Variants in FNDC7 observed in about 807,000 individuals in gnomAD.
FNDC7 encodes the protein fibronectin type III domain containing 7, also known as fibronectin type III domain-containing protein 7.
In FNDC7, 66 loss-of-function variants were observed where a neutral mutation model predicts 74.2. The observed-to-expected ratio is 0.89, with a 90% CI of 0.73 to 1.09. FNDC7 has a LOEUF of 1.09. Ranked by LOEUF, FNDC7 falls within the 50% of genes least tolerant of loss-of-function variation. FNDC7 has a pLI of 0.00. For synonymous variants in FNDC7, 307 were observed against 330.2 expected, an observed-to-expected ratio of 0.93 and a Z score of 0.76; for missense variants, 829 against 893.4, an observed-to-expected ratio of 0.93 and a Z score of 0.92.
At chr1:108,715,398 T>C (rs1442891125) in intron 2 of FNDC7, among the ~76,000 whole-genome samples, 1 of 152,208 alleles carries the variant, frequency 6.6e-6, no homozygotes, top group African/African-American at 2.4e-5. Context: ...TGCTGCTATT[T>C]TATGGACTTT....
At chr1:108,722,712 T>C (rs974540749) in intron 5 of FNDC7, 120 bp downstream of exon 5, 28 of 1,104,978 alleles carry the variant, frequency 2.5e-5, no homozygotes, top group Non-Finnish European at 3.3e-5. Context: ...CTGGTCTAAA[T>C]GAAAGCATAG....
intron 8 of FNDC7, among the ~76,000 whole-genome samples, chr1:108,729,255 A>G (rs1482035582): frequency 6.6e-6 from 1 of 152,198 alleles, no homozygotes; most frequent in East Asian, 1.9e-4. Context: ...TTTTCTCTTT[A>G]AAAAATGCTT....
In FNDC7 at chr1:108,713,004, CA is replaced by C; in HGVS notation, c.63+9del. The C allele has an allele frequency of 6.5e-7, 1 of 1,550,324 alleles. No individual in the cohort carries two copies. Among genetic ancestry groups the C allele is most frequent in the Non-Finnish European group, 8.7e-7 (1 of 1,146,032 alleles). On this transcript the variant is annotated intron_variant, in intron 1 of 12. Transcript: ENST00000370017. ...CTTATCTGTCTTAAAATGGTGAGTT[CA>C]TCATTCCAACTACCCACAACTATTT...
chr1:108,719,170 T>A (rs1217351879), intron 4 of FNDC7, 121 bp downstream of exon 4: 4 of 1,099,822 alleles, frequency 3.6e-6, no homozygotes, highest in East Asian at 2.6e-5. Flanking sequence ...AACAGCTATT[T>A]AAATTTATTA....
intron 5 of FNDC7, 148 bp downstream of exon 5, chr1:108,722,740 A>G (rs1238288669): frequency 1.0e-6 from 1 of 970,152 alleles, no homozygotes; most frequent in Non-Finnish European, 1.4e-6. Context: ...CATTCTCATG[A>G]GTTTGAATAA....
chr1:108,719,739 A>C (rs564857008), intron 4 of FNDC7, among the ~76,000 whole-genome samples: 1 of 100,656 alleles, frequency 9.9e-6, no homozygotes, highest in African/African-American at 3.2e-5. Context: ...GAGTGAGCCA[A>C]GCGAATGAGA....
intron 5 of FNDC7, among the ~76,000 whole-genome samples, chr1:108,723,709 A>G (rs1487556487): frequency 1.3e-5 from 2 of 152,258 alleles, no homozygotes; most frequent in Non-Finnish European, 2.9e-5. Flanking sequence ...TTACGCAGTT[A>G]GGCATTTAAT....
At position 108,728,696 on chromosome 1, in the gene FNDC7, G is replaced by T; in HGVS notation, c.1434G>T (p.Trp478Cys). The T allele has an allele frequency of 1.9e-6, 3 of 1,614,192 alleles. No homozygotes were observed. The highest frequency in any genetic ancestry group is 2.5e-6 in the Non-Finnish European group (3 of 1,180,028). ...RDAFSMINVH[W>C]RSTNDDATYT... ...CATTCTCCATGATTAATGTGCACTG[G>T]CGATCCACTAATGATGATGCTACTT... The change falls in exon 8 of 13, where the codon TGG becomes TGT. Residue 478 changes from tryptophan to cysteine, a missense_variant. Transcript: ENST00000370017.
chr1:108,722,198 C>A, intron 4 of FNDC7, 137 bp from the exon 5 acceptor site: 3 of 866,438 alleles, frequency 3.5e-6, no homozygotes, highest in South Asian at 2.2e-5. Flanking sequence ...ATCCTAAATC[C>A]CAATTTTATG....
chr1:108,741,670 T>G, intron 11 of FNDC7, 103 bp from the exon 12 acceptor site: 1 of 1,227,068 alleles, frequency 8.1e-7, no homozygotes, highest in Non-Finnish European at 1.2e-6. Flanking sequence ...AAAATAGCAT[T>G]TCAAATCAAC....
Position 108,725,878 on chromosome 1 carries a change from C to T in FNDC7, c.985C>T (p.His329Tyr). Residue 329 changes from histidine to tyrosine, a missense_variant, in exon 6 of 13, where the codon CAC (histidine) becomes TAC (tyrosine). Coordinates refer to ENST00000370017, the MANE Select transcript of FNDC7 (RefSeq NM_001144937.3). Reference protein sequence around the residue: ...FVKSDDGLEVHCNTSLTQCNF... With the variant: ...FVKSDDGLEVYCNTSLTQCNF... ...GAAGAGTGATGATGGCTTGGAAGTACACTGCAACACATCTCTCACTCAGTG... is the reference window on the plus strand; with the variant it reads ...GAAGAGTGATGATGGCTTGGAAGTATACTGCAACACATCTCTCACTCAGTG... 6.2e-7 allele frequency: 1 copy of T among 1,614,082 alleles called. No individual in the cohort carries two copies. Among genetic ancestry groups the T allele is most frequent in the Non-Finnish European group, 8.5e-7 (1 of 1,180,014 alleles).
chr1:108,727,915 G>A lies in FNDC7; in HGVS notation c.1219G>A (p.Asp407Asn). ...GAELYETKAV[D>N]GYNMVECNDT... ...CGAACTGTATGAAACCAAGGCTGTA[G>A]ATGGGTACAACATGGTTGAGTGCAA... Residue 407 changes from aspartate to asparagine, a missense_variant, in exon 7 of 13, where the codon GAT (aspartate) becomes AAT (asparagine). Coordinates refer to ENST00000370017, the MANE Select transcript of FNDC7 (RefSeq NM_001144937.3). 1.2e-6 allele frequency: 2 copies of A among 1,614,186 alleles called. No homozygotes were observed. The highest frequency in any genetic ancestry group is 1.7e-6 in the Non-Finnish European group (2 of 1,180,048).
chr1:108,730,699 A>G lies in FNDC7; in HGVS notation c.1650A>G (p.Thr550=), dbSNP rs1308949919. 2 of 1,596,682 alleles carry G rather than the reference A, an allele frequency of 1.3e-6. No individual in the cohort carries two copies. Among genetic ancestry groups the G allele is most frequent in the East Asian group, 2.3e-5 (1 of 44,100 alleles). ...ETVPCCPTGL[T]VTQITQSVIN... Reference sequence around the variant, plus strand: ...TGCCATGCTGTCCAACCGGTCTGACAGTAACTCAAATCACCCAGTCAGTAA... The same window carrying G: ...TGCCATGCTGTCCAACCGGTCTGACGGTAACTCAAATCACCCAGTCAGTAA... Residue 550 remains threonine (T), a synonymous_variant, in exon 9 of 13, where the codon ACA becomes ACG. Coordinates refer to ENST00000370017, the MANE Select transcript of FNDC7 (RefSeq NM_001144937.3).
chr1:108,727,327 T>C (rs1174578898), intron 6 of FNDC7, among the ~76,000 whole-genome samples: 1 of 151,746 alleles, frequency 6.6e-6, no homozygotes, highest in Non-Finnish European at 1.5e-5. Flanking sequence ...CCTGTCTCTT[T>C]GAAAAAACAA....
chr1:108,717,648 C>T, intron 2 of FNDC7, 129 bp from the exon 3 acceptor site: 1 of 969,330 alleles, frequency 1.0e-6, no homozygotes, highest in Admixed American at 2.6e-5. Flanking sequence ...TTTCCTTGAT[C>T]TGAATAATAA....
intron 11 of FNDC7, among the ~76,000 whole-genome samples, chr1:108,737,929 G>A (rs1213935286): frequency 2.0e-5 from 3 of 152,194 alleles, no homozygotes; most frequent in Non-Finnish European, 4.4e-5. Context: ...TGAGAGCTGG[G>A]CATCAGGAGT....
intron 11 of FNDC7, 146 bp from the exon 12 acceptor site, chr1:108,741,627 T>C (rs1425592310): frequency 7.5e-6 from 6 of 803,604 alleles, no homozygotes; most frequent in Non-Finnish European, 8.3e-6. Flanking sequence ...TCAGTTGTCA[T>C]AGTTTCATGT....
chr1:108,718,361 C>T (rs980592780), intron 3 of FNDC7, among the ~76,000 whole-genome samples: 2 of 146,052 alleles, frequency 1.4e-5, no homozygotes, highest in South Asian at 2.1e-4. Flanking sequence ...GCACTCTGAC[C>T]GTATGGCATA....
chr1:108,717,477 C>T (rs534706737), intron 2 of FNDC7, among the ~76,000 whole-genome samples: 1 of 152,078 alleles, frequency 6.6e-6, no homozygotes, highest in Non-Finnish European at 1.5e-5. Flanking sequence ...AGTTCTTTCC[C>T]GTAATTACTT....
Sources: allele counts gnomAD v4.1 joint callset (sites outside exome capture counted in the v4.1 genomes callset), GRCh38; gene constraint gnomAD v4.1.1; transcripts MANE v1.5; gene names NCBI Gene and HGNC (gene_info 2026-07-23, HGNC 2026-07-21).